Variants in PEAK1 observed in about 807,000 individuals in gnomAD.
The protein encoded by PEAK1 is inactive tyrosine-protein kinase PEAK1.
PEAK1 carries 54 observed loss-of-function variants against 124.7 expected under a neutral mutation model. That is an observed-to-expected ratio of 0.43 (90% CI 0.35 to 0.54). The LOEUF (loss-of-function observed/expected upper bound fraction) is 0.54, where lower values mean the gene tolerates loss of function less well. Ranked by LOEUF, PEAK1 falls within the 20% of genes least tolerant of loss-of-function variation. The probability of loss-of-function intolerance (pLI) is 0.01; values close to 1 mark genes in which losing one functional copy is unlikely to be tolerated. For missense variants in PEAK1, 2,046 were observed against 2,134.5 expected (o/e 0.96, Z 0.82); for synonymous variants, 719 against 760.0 (o/e 0.95, Z 0.89).
chr15:77,410,951 C>T (rs1156553936), intron 1 of PEAK1, among the ~76,000 whole-genome samples: 1 of 152,052 alleles, frequency 6.6e-6, no homozygotes, highest in African/African-American at 2.4e-5. Context: ...GCCATACTAC[C>T]ACCTCTTATC....
At chr15:77,397,081 C>T (rs12912050) in intron 1 of PEAK1, among the ~76,000 whole-genome samples, 99,690 of 151,982 alleles carry the variant, frequency 0.66, 33,649 homozygotes, top group Non-Finnish European at 0.75. Flanking sequence ...TTCTTTAAAA[C>T]TCAAAAAAAA....
chr15:77,212,838 G>A (rs2058967212), intron 6 of PEAK1, among the ~76,000 whole-genome samples: 1 of 152,136 alleles, frequency 6.6e-6, no homozygotes, highest in Non-Finnish European at 1.5e-5. Context: ...TCATCAGAGA[G>A]CATTTCTAGC....
rs200380742 is a variant in PEAK1 at position 77,244,611 on chromosome 15, CAG to C, written c.-115+7754_-115+7755del. Among the ~76,000 whole-genome samples, 1,099 of 150,924 alleles carry C rather than the reference CAG, an allele frequency of 7.3e-3. 15 individuals are homozygous for C. The highest frequency in any genetic ancestry group is 0.025 in the African/African-American group (1,043 of 41,060). ...TTTCTTTTTCTTTTTTTTTTTGAGA[CAG>C]ACTCTTGCTCTGTCACCCAGGCTGG... On this transcript the variant is annotated intron_variant, in intron 6 of 9. Coordinates refer to ENST00000682557, the MANE Select transcript of PEAK1 (RefSeq NM_001385026.1).
At chr15:77,172,552 TTGTC>T (rs1596461217) in intron 7 of PEAK1, among the ~76,000 whole-genome samples, 1 of 152,180 alleles carries the variant, frequency 6.6e-6, no homozygotes, top group African/African-American at 2.4e-5. Context: ...TAACCACAGT[TTGTC>T]TGTCAGTTGT....
intron 6 of PEAK1, among the ~76,000 whole-genome samples, chr15:77,236,750 C>A (rs558710946): frequency 6.6e-6 from 1 of 152,246 alleles, no homozygotes; most frequent in East Asian, 1.9e-4. Context: ...AACTGTAGTT[C>A]CCATAATCCC....
In PEAK1 at chr15:77,117,724, C is replaced by A. The variant is rs1288287539; in HGVS notation, c.4078-2405G>T. Among the ~76,000 whole-genome samples, 6 of 151,942 alleles carry A rather than the reference C, an allele frequency of 3.9e-5. No individual in the cohort carries two copies. The East Asian group carries it at 1.2e-3, about 29-fold the overall frequency. On this transcript the variant is annotated intron_variant, in intron 9 of 9. Coordinates refer to ENST00000682557, the MANE Select transcript of PEAK1 (RefSeq NM_001385026.1). ...TATGTTAGAATCCAAGACAGGGCAA[C>A]CTAAAGCTATGAGAGAGAATTGTTT...
chr15:77,372,578 A>G (rs1353530940), intron 1 of PEAK1, among the ~76,000 whole-genome samples: 2 of 152,222 alleles, frequency 1.3e-5, no homozygotes, highest in African/African-American at 2.4e-5. Flanking sequence ...GCCCTGAACT[A>G]TAACAAATTC....
Position 77,398,345 on chromosome 15 carries a change from C to T in PEAK1, c.-666+21661G>A, listed in dbSNP as rs2071075815. On this transcript the variant is annotated intron_variant, in intron 1 of 9. Transcript: ENST00000682557. ...GATACAGGCCAACATCTCTGATGAA[C>T]ATTTATGCAAAAATTCTCAACAAAA... Among the ~76,000 whole-genome samples the T allele has an allele frequency of 2.6e-5, 4 of 152,204 alleles. No homozygotes were observed. The South Asian group carries it at 8.3e-4, about 32-fold the overall frequency.
chr15:77,116,332 C>T lies in PEAK1; in HGVS notation c.4078-1013G>A, dbSNP rs74867844. ...CTGAGGGTCATTCTCTGCTCTCCCTCCTCAGCAGAGGCACACTGCCACATT... is the reference window on the plus strand; with the variant it reads ...CTGAGGGTCATTCTCTGCTCTCCCTTCTCAGCAGAGGCACACTGCCACATT... On this transcript the variant is annotated intron_variant, in intron 9 of 9. Coordinates refer to ENST00000682557, the MANE Select transcript of PEAK1 (RefSeq NM_001385026.1). 9.1e-3 allele frequency among the ~76,000 whole-genome samples: 1,382 copies of T among 152,274 alleles called. 10 individuals are homozygous for T. Among genetic ancestry groups the T allele is most frequent in the Non-Finnish European group, 0.015 (994 of 68,030 alleles).
At chr15:77,214,979 G>A (rs2059083105) in intron 6 of PEAK1, among the ~76,000 whole-genome samples, 1 of 152,196 alleles carries the variant, frequency 6.6e-6, no homozygotes. Context: ...AAATGGAATT[G>A]CTAGGTCAAA....
At chr15:77,417,633 C>T (rs2072996102) in intron 1 of PEAK1, 1 of 985,318 alleles carries the variant, frequency 1.0e-6, no homozygotes. Flanking sequence ...TACTAAATTA[C>T]TTAAACAACC....
At chr15:77,277,599 A>G (rs932598705) in intron 5 of PEAK1, among the ~76,000 whole-genome samples, 1 of 141,282 alleles carries the variant, frequency 7.1e-6, no homozygotes, top group Non-Finnish European at 1.5e-5. Flanking sequence ...TTATTTCAAA[A>G]TAAAAAGTTT....
At chr15:77,246,796 G>C (rs936022104) in intron 6 of PEAK1, among the ~76,000 whole-genome samples, 6 of 152,092 alleles carry the variant, frequency 3.9e-5, no homozygotes, top group African/African-American at 1.4e-4. Flanking sequence ...GAGGTGGGCG[G>C]ATCACGAGGT....
At chr15:77,226,230 GA>G (rs59270850) in intron 6 of PEAK1, among the ~76,000 whole-genome samples, 31,657 of 132,966 alleles carry the variant, frequency 0.24, 3,845 homozygotes, top group Middle Eastern at 0.31. Flanking sequence ...GATATTTCAA[GA>G]AAAAAAAAAA....
chr15:77,270,878 T>A (rs1237762694), intron 5 of PEAK1, among the ~76,000 whole-genome samples: 1 of 152,146 alleles, frequency 6.6e-6, no homozygotes, highest in Non-Finnish European at 1.5e-5. Context: ...GGGCAAGGAC[T>A]TCATGTCTAA....
At chr15:77,350,378 C>T (rs1442443911) in intron 2 of PEAK1, 1 of 985,238 alleles carries the variant, frequency 1.0e-6, no homozygotes, top group Non-Finnish European at 1.2e-6. Context: ...GTTCACAAGA[C>T]TTCATTTGTG....
intron 7 of PEAK1, among the ~76,000 whole-genome samples, chr15:77,164,868 G>C (rs2152797994): frequency 6.6e-6 from 1 of 152,066 alleles, no homozygotes; most frequent in Admixed American, 6.5e-5. Flanking sequence ...TTCTCCAAGG[G>C]GACTAACCCA....
intron 2 of PEAK1, among the ~76,000 whole-genome samples, chr15:77,298,197 A>AT (rs749000554): frequency 5.3e-5 from 2 of 37,822 alleles, no homozygotes; most frequent in East Asian, 1.0e-3. Flanking sequence ...GGTATCCTTA[A>AT]TTTTTTTTTT....
intron 1 of PEAK1, among the ~76,000 whole-genome samples, chr15:77,367,718 CTAAG>C (rs879862215): frequency 6.6e-6 from 1 of 152,158 alleles, no homozygotes; most frequent in African/African-American, 2.4e-5. Context: ...TCAAAATGCT[CTAAG>C]TAAGTACGTA....
Sources: gnomAD v4.1 joint callset for allele counts (sites outside exome capture counted in the v4.1 genomes callset) on GRCh38, gnomAD v4.1.1 for gene constraint, MANE v1.5 for transcripts, NCBI Gene and HGNC (gene_info 2026-07-23, HGNC 2026-07-21) for gene names.